The following PFN1 variants were observed in gnomAD, a reference collection of about 807,000 sequenced individuals.
The protein encoded by PFN1 is profilin 1.
In PFN1, 2 loss-of-function variants were observed where a neutral mutation model predicts 11.7. That is an observed-to-expected ratio of 0.17 (90% CI 0.07 to 0.54). The LOEUF is 0.54. PFN1 is among the 20% of genes least tolerant of loss of function. PFN1 has a pLI of 0.94. For missense variants in PFN1, 97 were observed against 188.4 expected (o/e 0.51, Z 2.84); for synonymous variants, 78 against 76.2 (o/e 1.02, Z -0.12).
chr17:4,946,065 T>TCAGCAGCTGTC (rs886798701), intron 2 of PFN1, 68 bp from the exon 3 acceptor site: 4 of 1,188,806 alleles, frequency 3.4e-6, no homozygotes, highest in African/African-American at 3.0e-5. Context: ...TGCCAGCTGT[T>TCAGCAGCTGTC]CAGCAGCTGT....
chr17:4,946,847 A>G (rs1483337940), intron 1 of PFN1, 27 bp from the exon 2 acceptor site: 1 of 1,591,344 alleles, frequency 6.3e-7, no homozygotes, highest in East Asian at 2.2e-5. Context: ...GCGCCCATCA[A>G]GTTAGTCAGT....
chr17:4,947,653 G>C (rs1248732277), intron 1 of PFN1, among the ~76,000 whole-genome samples: 6 of 152,160 alleles, frequency 3.9e-5, no homozygotes, highest in East Asian at 1.9e-4. Context: ...GGCCCCGCCG[G>C]ATGGCGGGAA....
At chr17:4,948,149 G>C in intron 1 of PFN1, 114 bp downstream of exon 1, 3 of 1,257,026 alleles carry the variant, frequency 2.4e-6, no homozygotes, top group African/African-American at 3.1e-5. Context: ...TCCAGGGCAA[G>C]CACCCAGTCA....
chr17:4,947,360 G>GA (rs965074617), intron 1 of PFN1: 1 of 152,266 alleles, frequency 6.6e-6, no homozygotes, highest in African/African-American at 2.4e-5. Flanking sequence ...GGCTTTCCGG[G>GA]AAAGTTGGAA....
chr17:4,945,708 C>T lies in PFN1; in HGVS notation c.*192G>A. Reference sequence around the variant, plus strand: ...AAAAACCCCAAAAAACAAAAGTTTTCCAACCACACACGGGAGGGATATGGG... The same window carrying T: ...AAAAACCCCAAAAAACAAAAGTTTTTCAACCACACACGGGAGGGATATGGG... On this transcript the variant is annotated 3_prime_UTR_variant, in exon 3 of 3. Coordinates refer to ENST00000225655, the MANE Select transcript of PFN1 (RefSeq NM_005022.4). The T allele has an allele frequency of 2.1e-6, 1 of 471,688 alleles. No homozygotes were observed. Among genetic ancestry groups the T allele is most frequent in the South Asian group, 4.1e-5 (1 of 24,124 alleles). 29.2% of individuals were successfully genotyped at this position (471,688 alleles called of 1,614,324 possible). A position where few individuals can be genotyped will look rare whatever the true frequency, so the allele number is the denominator to read the frequency against.
rs1804220 is a variant in PFN1, at chr17:4,945,874, C to T, written c.*26G>A. 2.9e-4 allele frequency: 409 copies of T among 1,387,724 alleles called. 3 individuals are homozygous for T. In the South Asian group the frequency reaches 4.1e-3, roughly 14 times the overall value. The allele number at this position is 1,387,724 out of a possible 1,614,324, so 86.0% of individuals were successfully genotyped here. A position where few individuals can be genotyped will look rare whatever the true frequency, so the allele number is the denominator to read the frequency against. ...GAAAGGGGTGCAAAGCTGTGGGGAG[C>T]GGTGAAGGGGAAGGGACAGACGAGG... is the stretch of plus-strand genomic sequence containing the variant. On this transcript the variant is annotated 3_prime_UTR_variant, in exon 3 of 3. Transcript: ENST00000225655.
In PFN1 at chr17:4,948,096, C is replaced by A. The variant is rs777903050; in HGVS notation, c.132+167G>T. ...CCGCCTGGGGCATAGGACCTACGGG[C>A]AACTGAGGGACCCACTCACGTGCAG... On this transcript the variant is annotated intron_variant, in intron 1 of 2. Coordinates refer to ENST00000225655, the MANE Select transcript of PFN1 (RefSeq NM_005022.4). The A allele has an allele frequency of 1.5e-4, 108 of 717,128 alleles. 2 individuals carry two copies. Among genetic ancestry groups the A allele is most frequent in the Non-Finnish European group, 2.1e-4 (100 of 473,252 alleles). 44.4% of individuals were successfully genotyped at this position (717,128 alleles called of 1,614,324 possible).
chr17:4,946,496 A>AG (rs1466903187), intron 2 of PFN1, 132 bp downstream of exon 2: 17 of 675,558 alleles, frequency 2.5e-5, no homozygotes, highest in South Asian at 1.6e-4. Flanking sequence ...AGCATCCAGC[A>AG]GACAAGGAAC....
Position 4,948,306 on chromosome 17 carries a change from G to A in PFN1, c.89C>T (p.Ser30Phe). The A allele has an allele frequency of 6.2e-7, 1 of 1,610,554 alleles. No individual in the cohort carries two copies. Among genetic ancestry groups the A allele is most frequent in the Non-Finnish European group, 8.5e-7 (1 of 1,178,958 alleles). ...TTTCCCGGGGACGGCGGCCCAGACGGAGGGCGAGTCCTTGTAGCCCACGAT... is the reference window on the plus strand; with the variant it reads ...TTTCCCGGGGACGGCGGCCCAGACGAAGGGCGAGTCCTTGTAGCCCACGAT... ...AAIVGYKDSP[S>F]VWAAVPGKTF... The change falls in exon 1 of 3, where the codon TCC (serine) becomes TTC (phenylalanine). Residue 30 changes from serine to phenylalanine, a missense_variant. Ser to Phe is a radical substitution (Grantham distance 155, BLOSUM62 -2). Transcript: ENST00000225655.
At position 4,946,007 on chromosome 17, in the gene PFN1, G is replaced by C. The variant is rs1470172868; in HGVS notation, c.326-10C>G. ...ATCAGCAGGACTAGCGCTGGAGGAG[G>C]AGGAAAGAGAAAGGAGGCTAGGATC... is the stretch of plus-strand genomic sequence containing the variant. On this transcript the variant is annotated splice_polypyrimidine_tract_variant and intron_variant, in intron 2 of 2. Coordinates refer to ENST00000225655, the MANE Select transcript of PFN1 (RefSeq NM_005022.4). The C allele has an allele frequency of 6.3e-7, 1 of 1,599,032 alleles. No homozygotes were observed. The highest frequency in any genetic ancestry group is 8.6e-7 in the Non-Finnish European group (1 of 1,166,472).
In PFN1 at chr17:4,948,516, G is replaced by A; in HGVS notation, c.-122C>T. On this transcript the variant is annotated 5_prime_UTR_variant, in exon 1 of 3. Transcript: ENST00000225655. ...GGGCACGCGCTGCCGTCCGGACCGC[G>A]GCTCCGCTCGCTGTGCAGCAGCCCT... 4 of 1,135,246 alleles carry A rather than the reference G, an allele frequency of 3.5e-6. No individual in the cohort carries two copies. Among genetic ancestry groups the A allele is most frequent in the Non-Finnish European group, 4.7e-6 (4 of 852,368 alleles). 70.3% of individuals were successfully genotyped at this position (1,135,246 alleles called of 1,614,324 possible). A position where few individuals can be genotyped will look rare whatever the true frequency, so the allele number is the denominator to read the frequency against.
rs143584292 is a variant in PFN1, at chr17:4,946,558, C to T, written c.325+70G>A. 267 of 1,342,742 alleles carry T rather than the reference C, an allele frequency of 2.0e-4. No homozygotes were observed. The African/African-American group carries it at 3.7e-3, about 19-fold the overall frequency. The allele number at this position is 1,342,742 out of a possible 1,614,324, so 83.2% of individuals were successfully genotyped here. On this transcript the variant is annotated intron_variant, in intron 2 of 2. Coordinates refer to ENST00000225655, the MANE Select transcript of PFN1 (RefSeq NM_005022.4). ...TTGGGGAATCACACAAAAAAGCACCCTCAAGATTACCAGAAGGCGGTACAT... is the reference window on the plus strand; with the variant it reads ...TTGGGGAATCACACAAAAAAGCACCTTCAAGATTACCAGAAGGCGGTACAT...
At chr17:4,946,982 G>C in intron 1 of PFN1, 162 bp from the exon 2 acceptor site, 1 of 515,214 alleles carries the variant, frequency 1.9e-6, no homozygotes, top group African/African-American at 2.0e-5. Context: ...GAGAAACTCT[G>C]AGGACTGTGG....
intron 2 of PFN1, 52 bp downstream of exon 2, chr17:4,946,576 C>A: frequency 7.0e-7 from 1 of 1,426,276 alleles, no homozygotes; most frequent in African/African-American, 1.4e-5. Context: ...TACCAGAAGG[C>A]GGTACATTAG....
intron 1 of PFN1, chr17:4,947,383 T>C (rs977747834): frequency 2.0e-5 from 3 of 151,910 alleles, no homozygotes; most frequent in African/African-American, 7.3e-5. Flanking sequence ...CTTTTGAAGG[T>C]GGACAGGGGC....
chr17:4,948,109 C>G, intron 1 of PFN1, 154 bp downstream of exon 1: 2 of 822,746 alleles, frequency 2.4e-6, no homozygotes, highest in Non-Finnish European at 1.8e-6. Flanking sequence ...CTGAGGGACC[C>G]ACTCACGTGC....
chr17:4,947,679 C>T (rs1373151696), intron 1 of PFN1, among the ~76,000 whole-genome samples: 8 of 152,146 alleles, frequency 5.3e-5, no homozygotes, highest in African/African-American at 1.9e-4. Context: ...GGCGAGGGGA[C>T]TTCCGGGATT....
At position 4,948,275 on chromosome 17, in the gene PFN1, G is replaced by A. The variant is rs778354888; in HGVS notation, c.120C>T (p.Phe40=). 3.7e-6 allele frequency: 6 copies of A among 1,608,468 alleles called. No individual in the cohort carries two copies. Among genetic ancestry groups the A allele is most frequent in the African/African-American group, 1.4e-5 (1 of 74,028 alleles). ...SVWAAVPGKT[F]VNITPAEVGV... Reference sequence around the variant, plus strand: ...GGCCTCGCAGTACCGTGATGTTGACGAACGTTTTCCCGGGGACGGCGGCCC... The same window carrying A: ...GGCCTCGCAGTACCGTGATGTTGACAAACGTTTTCCCGGGGACGGCGGCCC... Residue 40 remains phenylalanine, a synonymous_variant, in exon 1 of 3, where the codon TTC becomes TTT. Transcript: ENST00000225655.
In PFN1 at chr17:4,948,305, G is replaced by C. The variant is rs199706330; in HGVS notation, c.90C>G (p.Ser30=). The stretch of plus-strand genomic sequence containing the variant: ...TTTTCCCGGGGACGGCGGCCCAGAC[G>C]GAGGGCGAGTCCTTGTAGCCCACGA... The part of the protein sequence containing the change: ...AAIVGYKDSP[S]VWAAVPGKTF... Residue 30 remains serine (S), a synonymous_variant, in exon 1 of 3, where the codon TCC becomes TCG. Transcript: ENST00000225655. 1 of 1,610,346 alleles carries C rather than the reference G, an allele frequency of 6.2e-7. No homozygotes were observed.
Sources: gnomAD v4.1 joint callset for allele counts (sites outside exome capture counted in the v4.1 genomes callset) on GRCh38, gnomAD v4.1.1 for gene constraint, MANE v1.5 for transcripts, NCBI Gene and HGNC (gene_info 2026-07-23, HGNC 2026-07-21) for gene names.